The following DAB1 variants were observed in gnomAD, a reference collection of about 807,000 sequenced individuals.
DAB1 encodes the protein DAB adaptor protein 1.
Under a neutral mutation model 64.6 loss-of-function variants are expected in DAB1, and 15 were observed. The ratio of observed to expected loss-of-function variants is 0.23; its 90% CI spans 0.16 to 0.36. The LOEUF (loss-of-function observed/expected upper bound fraction) is 0.36, where lower values mean the gene tolerates loss of function less well. Ranked by LOEUF, DAB1 falls within the 10% of genes least tolerant of loss-of-function variation. The pLI is 1.00. For synonymous variants in DAB1, 235 were observed against 251.9 expected, an observed-to-expected ratio of 0.93 and a Z score of 0.64; for missense variants, 596 against 706.7, an observed-to-expected ratio of 0.84 and a Z score of 1.78.
At chr1:58,052,095 T>C (rs1647710613) in intron 5 of DAB1, among the ~76,000 whole-genome samples, 2 of 152,216 alleles carry the variant, frequency 1.3e-5, no homozygotes, top group South Asian at 4.1e-4. Context: ...TTACTTTTGG[T>C]GTTTTAGTCA....
At chr1:58,287,511 C>T (rs188472715) in intron 4 of DAB1, among the ~76,000 whole-genome samples, 13 of 152,092 alleles carry the variant, frequency 8.5e-5, no homozygotes, top group African/African-American at 2.9e-4. Flanking sequence ...TCTCATGGTT[C>T]GCAGTTGATA....
intron 5 of DAB1, among the ~76,000 whole-genome samples, chr1:58,067,692 G>A (rs1648940263): frequency 6.6e-6 from 1 of 152,214 alleles, no homozygotes; most frequent in South Asian, 2.1e-4. Flanking sequence ...TATGGGATAA[G>A]AGTGAAAATT....
chr1:57,069,232 C>A, intron 8 of DAB1, 128 bp downstream of exon 8: 1 of 727,926 alleles, frequency 1.4e-6, no homozygotes, highest in East Asian at 2.6e-5. Context: ...GAACTAGAAG[C>A]CATTTCACTC....
chr1:57,899,585 C>T (rs940258808), intron 5 of DAB1, among the ~76,000 whole-genome samples: 1 of 152,028 alleles, frequency 6.6e-6, no homozygotes, highest in East Asian at 1.9e-4. Flanking sequence ...ACCCTGAGAC[C>T]GCAAACATGC....
At chr1:57,595,232 T>A (rs1460926630) in intron 7 of DAB1, among the ~76,000 whole-genome samples, 2 of 151,878 alleles carry the variant, frequency 1.3e-5, no homozygotes, top group Non-Finnish European at 2.9e-5. Context: ...ATTCTAAAAT[T>A]TTTTTTAGAT....
At chr1:58,334,756 A>G (rs1383307138) in intron 4 of DAB1, among the ~76,000 whole-genome samples, 2 of 151,704 alleles carry the variant, frequency 1.3e-5, no homozygotes, top group Non-Finnish European at 2.9e-5. Context: ...GGTTCACATC[A>G]TTGTGAAGAT....
At chr1:58,230,814 ACTGT>A (rs954225519) in intron 4 of DAB1, among the ~76,000 whole-genome samples, 6 of 152,210 alleles carry the variant, frequency 3.9e-5, no homozygotes, top group African/African-American at 1.4e-4. Context: ...ATTGACAGAC[ACTGT>A]CTACTTAGTC....
At chr1:58,064,679 A>T (rs543327267) in intron 5 of DAB1, among the ~76,000 whole-genome samples, 10 of 152,006 alleles carry the variant, frequency 6.6e-5, no homozygotes, top group East Asian at 3.9e-4. Flanking sequence ...CCATAGATAA[A>T]TTTTTTTATT....
At chr1:58,417,140 G>C (rs566705902) in intron 3 of DAB1, among the ~76,000 whole-genome samples, 1 of 152,076 alleles carries the variant, frequency 6.6e-6, no homozygotes, top group Non-Finnish European at 1.5e-5. Context: ...GCATCCTCCC[G>C]TCTCTTCTTG....
intron 7 of DAB1, among the ~76,000 whole-genome samples, chr1:57,514,521 T>G (rs1644442223): frequency 6.6e-6 from 1 of 152,254 alleles, no homozygotes; most frequent in East Asian, 1.9e-4. Context: ...ACTTTGCCTT[T>G]TGTTCACTGA....
chr1:58,112,027 C>T (rs1651993840), intron 5 of DAB1, among the ~76,000 whole-genome samples: 1 of 152,210 alleles, frequency 6.6e-6, no homozygotes, highest in Non-Finnish European at 1.5e-5. Flanking sequence ...CACTTGCACC[C>T]TTTCTCCCTA....
intron 1 of DAB1, chr1:57,876,632 A>C (rs1241485944): frequency 6.6e-6 from 1 of 152,178 alleles, no homozygotes; most frequent in Non-Finnish European, 1.5e-5. Context: ...TCTCACCCAG[A>C]CACATCTGAC....
chr1:58,518,359 GGAAGA>G (rs1557450411), intron 2 of DAB1, among the ~76,000 whole-genome samples: 13 of 103,408 alleles, frequency 1.3e-4, no homozygotes, highest in South Asian at 3.5e-4. Context: ...AGAAGGGAAG[GGAAGA>G]GAAGAGAAGG....
intron 9 of DAB1, among the ~76,000 whole-genome samples, chr1:57,057,687 A>G (rs1483109588): frequency 6.7e-6 from 1 of 150,262 alleles, no homozygotes; most frequent in Non-Finnish European, 1.5e-5. Flanking sequence ...GGCTCACTGC[A>G]AGCTCTGCCT....
At chr1:57,193,317 C>A (rs568405534) in intron 2 of DAB1, among the ~76,000 whole-genome samples, 1 of 148,606 alleles carries the variant, frequency 6.7e-6, no homozygotes, top group Admixed American at 6.8e-5. Flanking sequence ...TCATACAGTA[C>A]TGGTCTTTTT....
intron 2 of DAB1, among the ~76,000 whole-genome samples, chr1:58,506,380 G>A (rs1301264106): frequency 6.6e-6 from 1 of 152,090 alleles, no homozygotes; most frequent in African/African-American, 2.4e-5. Flanking sequence ...TTGGTGTGCT[G>A]TACCCATTAA....
intron 2 of DAB1, among the ~76,000 whole-genome samples, chr1:57,182,984 T>C (rs1226980552): frequency 6.6e-6 from 1 of 152,158 alleles, no homozygotes; most frequent in Non-Finnish European, 1.5e-5. Context: ...TAGGCACGCA[T>C]GGCTGGTGGC....
At chr1:57,376,405 T>C (rs1208562621) in intron 1 of DAB1, among the ~76,000 whole-genome samples, 1 of 152,198 alleles carries the variant, frequency 6.6e-6, no homozygotes, top group Admixed American at 6.5e-5. Context: ...CTCATGTAAG[T>C]AAAAACTCTG....
intron 7 of DAB1, among the ~76,000 whole-genome samples, chr1:57,564,855 A>G (rs1015495497): frequency 6.6e-6 from 1 of 152,226 alleles, no homozygotes; most frequent in African/African-American, 2.4e-5. Context: ...ACTCTACAGG[A>G]TATTATCTAG....
Sources: allele counts gnomAD v4.1 joint callset (sites outside exome capture counted in the v4.1 genomes callset), GRCh38; gene constraint gnomAD v4.1.1; transcripts MANE v1.5; gene names NCBI Gene and HGNC (gene_info 2026-07-23, HGNC 2026-07-21).